The following RFX3 variants were observed in gnomAD, a reference collection of about 807,000 sequenced individuals.
RFX3 encodes transcription factor RFX3.
RFX3 carries 14 observed loss-of-function variants against 98.6 expected under a neutral mutation model. The ratio of observed to expected loss-of-function variants is 0.14; its 90% CI spans 0.09 to 0.22. RFX3 has a LOEUF of 0.22. RFX3 is among the 10% of genes least tolerant of loss of function. The pLI is 1.00. For missense variants in RFX3, 639 were observed against 926.9 expected, an observed-to-expected ratio of 0.69 and a Z score of 4.03; for synonymous variants, 383 against 328.4, an observed-to-expected ratio of 1.17 and a Z score of -1.80.
At chr9:3,266,944 A>G (rs1823722136) in intron 11 of RFX3, among the ~76,000 whole-genome samples, 1 of 152,062 alleles carries the variant, frequency 6.6e-6, no homozygotes, top group Admixed American at 6.6e-5. Flanking sequence ...CCGTATTCTT[A>G]AGATACTCCT....
chr9:3,385,494 T>C (rs899200754), intron 2 of RFX3, among the ~76,000 whole-genome samples: 1 of 151,482 alleles, frequency 6.6e-6, no homozygotes. Context: ...GTAGATCACC[T>C]AAGGTGAGTT....
chr9:3,263,640 C>A (rs761531394), intron 12 of RFX3, among the ~76,000 whole-genome samples: 3 of 152,138 alleles, frequency 2.0e-5, no homozygotes, highest in Non-Finnish European at 4.4e-5. Flanking sequence ...TCAGAGGCAA[C>A]CAACTAGAAT....
At chr9:3,246,171 G>A (rs568147290) in intron 15 of RFX3, among the ~76,000 whole-genome samples, 3 of 151,944 alleles carry the variant, frequency 2.0e-5, no homozygotes, top group Non-Finnish European at 4.4e-5. Flanking sequence ...TATAAACTGA[G>A]TAAGCAAAGA....
At chr9:3,343,494 C>CCT (rs1220466137) in intron 3 of RFX3, among the ~76,000 whole-genome samples, 1 of 151,912 alleles carries the variant, frequency 6.6e-6, no homozygotes, top group East Asian at 1.9e-4. Flanking sequence ...ATAGAAAGAC[C>CCT]CTAAAATGAA....
At chr9:3,467,040 A>AAG (rs1253783602) in intron 1 of RFX3, among the ~76,000 whole-genome samples, 1 of 125,046 alleles carries the variant, frequency 8.0e-6, no homozygotes, top group Non-Finnish European at 1.6e-5. Context: ...ATATATATAT[A>AAG]TATATATGTA....
At chr9:3,315,202 A>C (rs1157924252) in intron 4 of RFX3, among the ~76,000 whole-genome samples, 3 of 152,188 alleles carry the variant, frequency 2.0e-5, no homozygotes, top group Non-Finnish European at 4.4e-5. Context: ...ATCAAACTAG[A>C]ACTCAGGATT....
chr9:3,278,326 T>A (rs1221478753), intron 7 of RFX3, among the ~76,000 whole-genome samples: 1 of 151,916 alleles, frequency 6.6e-6, no homozygotes, highest in Non-Finnish European at 1.5e-5. Flanking sequence ...ATTCCACTTA[T>A]TTTTCTTCAT....
intron 3 of RFX3, among the ~76,000 whole-genome samples, chr9:3,336,889 G>T (rs989971761): frequency 6.6e-6 from 1 of 152,070 alleles, no homozygotes; most frequent in African/African-American, 2.4e-5. Flanking sequence ...TGTTTTTATC[G>T]TAAGAGAATA....
chr9:3,324,243 T>G (rs1831636212), intron 4 of RFX3: 1 of 205,742 alleles, frequency 4.9e-6, no homozygotes, highest in Non-Finnish European at 1.1e-5. Context: ...TAGAAATTAC[T>G]GTTTTGTCAC....
intron 3 of RFX3, 80 bp from the exon 4 acceptor site, chr9:3,330,597 G>A: frequency 1.5e-6 from 2 of 1,323,180 alleles, no homozygotes; most frequent in Non-Finnish European, 2.1e-6. Context: ...GAATGTAATT[G>A]AAATATATTG....
At position 3,220,454 on chromosome 9, in the gene RFX3, T is replaced by C. The variant is rs186922518; in HGVS notation, c.*4588A>G. On this transcript the variant is annotated 3_prime_UTR_variant, in exon 17 of 17. Coordinates refer to ENST00000617270, the MANE Select transcript of RFX3 (RefSeq NM_001282116.2). ...ATAGGTCTATCCAGGCCCATGTATT[T>C]GTCCTCCTTTTCTAGAGACTATGGT... 3.4e-4 allele frequency: 52 copies of C among 152,264 alleles called. No homozygotes were observed. The highest frequency in any genetic ancestry group is 1.3e-3 in the African/African-American group (52 of 41,560). The allele number at this position is 152,264 out of a possible 1,614,324, so 9.4% of individuals were successfully genotyped here. A position where few individuals can be genotyped will look rare whatever the true frequency, so the allele number is the denominator to read the frequency against.
intron 2 of RFX3, among the ~76,000 whole-genome samples, chr9:3,392,013 C>T (rs141022360): frequency 1.3e-5 from 2 of 152,216 alleles, no homozygotes; most frequent in South Asian, 2.1e-4. Flanking sequence ...CAAGCATTCC[C>T]CCACTAGGCA....
rs1438762390 is a variant in RFX3 at position 3,220,075 on chromosome 9, G to C, written c.*4967C>G. ...AGTCATAGCATCTCCTGACAGATGA[G>C]CTTAAAATCAAGTGCTTTGCTCTCC... On this transcript the variant is annotated 3_prime_UTR_variant, in exon 17 of 17. Coordinates refer to ENST00000617270, the MANE Select transcript of RFX3 (RefSeq NM_001282116.2). The C allele has an allele frequency of 6.6e-6, 1 of 152,178 alleles. No individual in the cohort carries two copies. The highest frequency in any genetic ancestry group is 2.4e-5 in the African/African-American group (1 of 41,442). 9.4% of individuals were successfully genotyped at this position (152,178 alleles called of 1,614,324 possible).
intron 5 of RFX3, 77 bp from the exon 6 acceptor site, chr9:3,293,335 C>T (rs1644055003): frequency 1.9e-6 from 2 of 1,028,478 alleles, no homozygotes; most frequent in Non-Finnish European, 2.8e-6. Context: ...GCAAATGCAA[C>T]ATACAGAAAT....
chr9:3,471,940 A>G (rs1041767432), intron 1 of RFX3, among the ~76,000 whole-genome samples: 8 of 152,228 alleles, frequency 5.3e-5, no homozygotes, highest in Non-Finnish European at 1.0e-4. Context: ...AAATTATAGT[A>G]TAAAGACATA....
intron 4 of RFX3, among the ~76,000 whole-genome samples, chr9:3,318,714 A>G (rs1830916371): frequency 6.6e-6 from 1 of 152,130 alleles, no homozygotes; most frequent in Admixed American, 6.6e-5. Context: ...CGTCTAGAGA[A>G]AAAAATTAAG....
At chr9:3,346,325 G>A (rs924405672) in intron 3 of RFX3, among the ~76,000 whole-genome samples, 1 of 151,814 alleles carries the variant, frequency 6.6e-6, no homozygotes, top group African/African-American at 2.4e-5. Context: ...AATTGACCTC[G>A]TATAATAAAA....
chr9:3,276,704 G>C (rs1444503691), intron 8 of RFX3, among the ~76,000 whole-genome samples: 1 of 151,868 alleles, frequency 6.6e-6, no homozygotes, highest in Non-Finnish European at 1.5e-5. Flanking sequence ...GTCACTCTCT[G>C]ATACCTTCTA....
intron 2 of RFX3, among the ~76,000 whole-genome samples, chr9:3,392,432 T>A (rs943328192): frequency 6.7e-6 from 1 of 149,672 alleles, no homozygotes; most frequent in African/African-American, 2.5e-5. Context: ...TTTTTAAAAA[T>A]TCCTGAAAAT....
Sources: allele counts gnomAD v4.1 joint callset (sites outside exome capture counted in the v4.1 genomes callset), GRCh38; gene constraint gnomAD v4.1.1; transcripts MANE v1.5; gene names NCBI Gene and HGNC (gene_info 2026-07-23, HGNC 2026-07-21).